The following LRRC7 variants were observed in gnomAD, a reference collection of about 807,000 sequenced individuals.
LRRC7 encodes leucine rich repeat containing 7.
LRRC7 carries 23 observed loss-of-function variants against 175.7 expected under a neutral mutation model. The observed-to-expected ratio is 0.13, with a 90% CI of 0.09 to 0.19. LRRC7 has a LOEUF of 0.19. LRRC7 is among the 10% of genes least tolerant of loss of function. LRRC7 has a pLI of 1.00. For missense variants in LRRC7, 1,354 were observed against 1,904.7 expected, an observed-to-expected ratio of 0.71 and a Z score of 5.38; for synonymous variants, 685 against 680.9, an observed-to-expected ratio of 1.01 and a Z score of -0.09.
At chr1:69,620,121 T>G (rs971380014) in intron 1 of LRRC7, among the ~76,000 whole-genome samples, 5 of 152,204 alleles carry the variant, frequency 3.3e-5, no homozygotes, top group Admixed American at 6.5e-5. Context: ...GTAGATATGA[T>G]AAGCCAGCTA....
intron 7 of LRRC7, among the ~76,000 whole-genome samples, chr1:69,925,385 C>T (rs1462402737): frequency 1.3e-5 from 2 of 152,106 alleles, no homozygotes; most frequent in Non-Finnish European, 2.9e-5. Flanking sequence ...GTACCAGTTC[C>T]TCCTTGTAGC....
intron 7 of LRRC7, among the ~76,000 whole-genome samples, chr1:69,912,428 T>C (rs1646559944): frequency 6.6e-6 from 1 of 152,176 alleles, no homozygotes; most frequent in African/African-American, 2.4e-5. Flanking sequence ...AAGCATATAA[T>C]ATAGGTTGCA....
At chr1:70,066,959 AAATT>A (rs1418560612) in intron 23 of LRRC7, among the ~76,000 whole-genome samples, 2 of 152,100 alleles carry the variant, frequency 1.3e-5, no homozygotes, top group African/African-American at 4.8e-5. Context: ...CACTTACTGA[AAATT>A]AACTCAGATT....
chr1:69,933,932 TCTTA>T (rs1355515282), intron 8 of LRRC7, among the ~76,000 whole-genome samples: 4 of 152,228 alleles, frequency 2.6e-5, no homozygotes, highest in African/African-American at 7.2e-5. Context: ...TTTTCTATTT[TCTTA>T]CTTTTGCATT....
chr1:70,121,413 A>G (rs1666200283), intron 26 of LRRC7, among the ~76,000 whole-genome samples: 1 of 152,090 alleles, frequency 6.6e-6, no homozygotes. Context: ...TGTTTATATA[A>G]CACTAAGGTA....
intron 23 of LRRC7, among the ~76,000 whole-genome samples, chr1:70,063,385 G>A (rs146611708): frequency 6.6e-6 from 1 of 152,122 alleles, no homozygotes; most frequent in East Asian, 1.9e-4. Flanking sequence ...TTAATCCAAT[G>A]CCATAAAAAT....
chr1:70,113,845 A>G (rs1261198746), intron 26 of LRRC7, among the ~76,000 whole-genome samples: 1 of 152,204 alleles, frequency 6.6e-6, no homozygotes, highest in Non-Finnish European at 1.5e-5. Context: ...TCTTACAGAT[A>G]TATTTTTCAA....
chr1:69,673,062 A>T (rs971660439), intron 1 of LRRC7, among the ~76,000 whole-genome samples: 4 of 152,210 alleles, frequency 2.6e-5, no homozygotes, highest in African/African-American at 9.7e-5. Flanking sequence ...TGTCTTCCCT[A>T]CAATTCCAAG....
intron 2 of LRRC7, among the ~76,000 whole-genome samples, chr1:69,752,001 G>A (rs1433305977): frequency 6.6e-6 from 1 of 151,992 alleles, no homozygotes; most frequent in African/African-American, 2.4e-5. Context: ...CCATGTACAA[G>A]GATTACAGAC....
chr1:69,929,804 T>C (rs1647215374), intron 7 of LRRC7, among the ~76,000 whole-genome samples: 1 of 152,192 alleles, frequency 6.6e-6, no homozygotes, highest in African/African-American at 2.4e-5. Context: ...CCTATCCTAC[T>C]CAGAATCAAA....
chr1:70,030,022 T>G (rs1658540909), intron 18 of LRRC7, among the ~76,000 whole-genome samples: 1 of 152,160 alleles, frequency 6.6e-6, no homozygotes, highest in South Asian at 2.1e-4. Flanking sequence ...TTCTCCTTCT[T>G]TCTCTCCACT....
intron 20 of LRRC7, among the ~76,000 whole-genome samples, chr1:70,037,030 A>G (rs1034686373): frequency 6.6e-6 from 1 of 152,182 alleles, no homozygotes; most frequent in African/African-American, 2.4e-5. Flanking sequence ...TGCTATCGTC[A>G]TCATAATTTT....
intron 2 of LRRC7, among the ~76,000 whole-genome samples, chr1:69,724,667 G>T (rs899174256): frequency 2.6e-4 from 40 of 152,280 alleles, no homozygotes; most frequent in Non-Finnish European, 4.3e-4. Context: ...TTGGGCATCT[G>T]TTACCTGCTG....
At chr1:69,905,671 G>A (rs1486236858) in intron 7 of LRRC7, among the ~76,000 whole-genome samples, 6 of 152,084 alleles carry the variant, frequency 3.9e-5, no homozygotes, top group Admixed American at 2.0e-4. Flanking sequence ...TGGACATTTG[G>A]GTTGGTTCCA....
At chr1:69,854,300 C>T (rs1683335036) in intron 7 of LRRC7, among the ~76,000 whole-genome samples, 1 of 152,066 alleles carries the variant, frequency 6.6e-6, no homozygotes, top group Non-Finnish European at 1.5e-5. Flanking sequence ...GAGTTTGAGA[C>T]TAGCCTGGAC....
At chr1:69,698,122 C>T (rs980194094) in intron 2 of LRRC7, among the ~76,000 whole-genome samples, 3 of 152,170 alleles carry the variant, frequency 2.0e-5, no homozygotes, top group African/African-American at 4.8e-5. Flanking sequence ...CAAGTCTGTC[C>T]TCTCCAACAA....
chr1:70,045,349 G>C (rs1660246029), intron 22 of LRRC7, among the ~76,000 whole-genome samples: 1 of 151,986 alleles, frequency 6.6e-6, no homozygotes, highest in African/African-American at 2.4e-5. Context: ...CTAATTTCAA[G>C]GTACCAACTT....
chr1:69,654,178 A>T (rs138560691), intron 1 of LRRC7, among the ~76,000 whole-genome samples: 3 of 151,984 alleles, frequency 2.0e-5, no homozygotes, highest in South Asian at 2.1e-4. Flanking sequence ...GATACTAAGC[A>T]CCTTACATTT....
At chr1:69,731,119 A>G (rs1667530919) in intron 2 of LRRC7, among the ~76,000 whole-genome samples, 1 of 151,986 alleles carries the variant, frequency 6.6e-6, no homozygotes, top group African/African-American at 2.4e-5. Context: ...ATGCTAATGC[A>G]GTGAAACCCC....
Sources: allele counts gnomAD v4.1 joint callset (sites outside exome capture counted in the v4.1 genomes callset), GRCh38; gene constraint gnomAD v4.1.1; transcripts MANE v1.5; gene names NCBI Gene and HGNC (gene_info 2026-07-23, HGNC 2026-07-21).